Variants in ELAVL2 observed in about 807,000 individuals in gnomAD.
ELAVL2 encodes ELAV like RNA binding protein 2.
A neutral mutation model predicts 34.6 loss-of-function variants in ELAVL2; 4 were observed. That is an observed-to-expected ratio of 0.12 (90% CI 0.06 to 0.26). The LOEUF is 0.26. Among genes scored for constraint, ELAVL2 ranks in the 10% least tolerant of loss-of-function variants. The pLI, the probability that ELAVL2 is intolerant of heterozygous loss-of-function variation, is 1.00. For synonymous variants in ELAVL2, 193 were observed against 154.8 expected, an observed-to-expected ratio of 1.25 and a Z score of -1.83; for missense variants, 432 against 442.8, an observed-to-expected ratio of 0.98 and a Z score of 0.22.
At chr9:23,805,189 T>C (rs983752004) in intron 1 of ELAVL2, among the ~76,000 whole-genome samples, 4 of 152,152 alleles carry the variant, frequency 2.6e-5, no homozygotes, top group Non-Finnish European at 5.9e-5. Flanking sequence ...ACGTTAATCA[T>C]TTGGGGATTT....
intron 1 of ELAVL2, among the ~76,000 whole-genome samples, chr9:23,788,489 T>C (rs906015233): frequency 6.6e-5 from 10 of 152,190 alleles, no homozygotes; most frequent in Non-Finnish European, 1.2e-4. Context: ...ATACCTATGA[T>C]AAAATTTAAT....
At chr9:23,741,152 GT>G (rs1398666893) in intron 2 of ELAVL2, among the ~76,000 whole-genome samples, 6 of 152,128 alleles carry the variant, frequency 3.9e-5, no homozygotes, top group Admixed American at 2.6e-4. Context: ...TGAAATTCAG[GT>G]GTTTCCTGAC....
rs1245760496 is a variant in ELAVL2, at chr9:23,691,914, AC to A, written c.*642del. On this transcript the variant is annotated 3_prime_UTR_variant, in exon 7 of 7. Transcript: ENST00000397312. ...TTATAAAAATAGATGCTTTTTTTAA[AC>A]CCACATCAAAGAGGCTCTTATCTCT... 1 of 152,528 alleles carries A rather than the reference AC, an allele frequency of 6.6e-6. No homozygotes were observed. Among genetic ancestry groups the A allele is most frequent in the Non-Finnish European group, 1.5e-5 (1 of 68,020 alleles). The allele number at this position is 152,528 out of a possible 1,614,324, so 9.4% of individuals were successfully genotyped here.
chr9:23,718,762 G>A (rs989729618), intron 3 of ELAVL2, among the ~76,000 whole-genome samples: 2 of 152,162 alleles, frequency 1.3e-5, no homozygotes, highest in Admixed American at 1.3e-4. Flanking sequence ...ATGACTTTAA[G>A]TCTACCAAGA....
At chr9:23,822,808 G>T (rs2065002958) in intron 1 of ELAVL2, among the ~76,000 whole-genome samples, 2 of 152,238 alleles carry the variant, frequency 1.3e-5, no homozygotes. Context: ...AGCAGTGGGC[G>T]ACCCAGTCGC....
intron 1 of ELAVL2, among the ~76,000 whole-genome samples, chr9:23,805,158 A>G (rs2062050090): frequency 6.6e-6 from 1 of 152,222 alleles, no homozygotes; most frequent in South Asian, 2.1e-4. Flanking sequence ...AGCCATTTCA[A>G]AAATGATAAA....
intron 1 of ELAVL2, among the ~76,000 whole-genome samples, chr9:23,824,310 G>A (rs2065145608): frequency 1.3e-5 from 2 of 152,156 alleles, no homozygotes; most frequent in South Asian, 4.1e-4. Context: ...AACGTGCTGG[G>A]CATAAATTAA....
chr9:23,717,018 A>G (rs191388834), intron 3 of ELAVL2, among the ~76,000 whole-genome samples: 15 of 152,358 alleles, frequency 9.8e-5, no homozygotes, highest in Admixed American at 9.8e-4. Flanking sequence ...TGGAAGGAGA[A>G]TACAGAGACA....
chr9:23,742,066 C>T (rs2049339008), intron 2 of ELAVL2, among the ~76,000 whole-genome samples: 1 of 152,120 alleles, frequency 6.6e-6, no homozygotes, highest in African/African-American at 2.4e-5. Context: ...ACTAGAAGGG[C>T]AAGAAACCTT....
intron 2 of ELAVL2, among the ~76,000 whole-genome samples, chr9:23,754,322 T>A (rs953196291): frequency 6.6e-6 from 1 of 152,188 alleles, no homozygotes; most frequent in Admixed American, 6.5e-5. Context: ...AAAGGCTTCA[T>A]TACCACAGGT....
chr9:23,785,967 G>A (rs2059626285), intron 1 of ELAVL2, among the ~76,000 whole-genome samples: 1 of 152,134 alleles, frequency 6.6e-6, no homozygotes, highest in Non-Finnish European at 1.5e-5. Context: ...GAGGTCACCT[G>A]GCATAGTGAT....
intron 4 of ELAVL2, among the ~76,000 whole-genome samples, chr9:23,703,281 TAGAA>T (rs2038105967): frequency 6.6e-6 from 1 of 152,236 alleles, no homozygotes; most frequent in South Asian, 2.1e-4. Context: ...ATGAATGAAT[TAGAA>T]AGCACAAATG....
chr9:23,708,482 T>A (rs1489850887), intron 3 of ELAVL2, among the ~76,000 whole-genome samples: 6 of 152,170 alleles, frequency 3.9e-5, no homozygotes, highest in African/African-American at 1.4e-4. Context: ...GGTCTCCTCA[T>A]CCAGTTTTCC....
intron 1 of ELAVL2, among the ~76,000 whole-genome samples, chr9:23,762,472 A>G (rs1293801344): frequency 6.6e-6 from 1 of 152,140 alleles, no homozygotes; most frequent in East Asian, 1.9e-4. Context: ...ATACATGCAT[A>G]TAAGCACAAT....
chr9:23,763,055 T>G (rs1324925021), intron 1 of ELAVL2, among the ~76,000 whole-genome samples: 1 of 152,106 alleles, frequency 6.6e-6, no homozygotes, highest in Non-Finnish European at 1.5e-5. Context: ...TCTCCTTGAC[T>G]CTGCTTTTTA....
intron 1 of ELAVL2, among the ~76,000 whole-genome samples, chr9:23,778,302 A>C (rs567304598): frequency 2.6e-5 from 4 of 152,310 alleles, no homozygotes; most frequent in Middle Eastern, 3.4e-3. Flanking sequence ...CAAAGTTCGG[A>C]CTGGCAGCTA....
At chr9:23,755,447 A>C (rs1162109380) in intron 2 of ELAVL2, among the ~76,000 whole-genome samples, 2 of 152,178 alleles carry the variant, frequency 1.3e-5, no homozygotes, top group Admixed American at 6.6e-5. Flanking sequence ...TGATAACACC[A>C]AATTTTTTAA....
intron 1 of ELAVL2, among the ~76,000 whole-genome samples, chr9:23,789,407 C>T (rs9632886): frequency 0.2 from 31,093 of 152,098 alleles, 4,816 homozygotes; most frequent in African/African-American, 0.41. Flanking sequence ...TACAAAATTA[C>T]GTATTAAAAT....
At chr9:23,767,175 T>C (rs188256036) in intron 1 of ELAVL2, among the ~76,000 whole-genome samples, 5 of 152,330 alleles carry the variant, frequency 3.3e-5, no homozygotes, top group Admixed American at 2.6e-4. Context: ...TCTCTACTTT[T>C]ATACACACAG....
Sources: gnomAD v4.1 joint callset for allele counts (sites outside exome capture counted in the v4.1 genomes callset) on GRCh38, gnomAD v4.1.1 for gene constraint, MANE v1.5 for transcripts, NCBI Gene and HGNC (gene_info 2026-07-23, HGNC 2026-07-21) for gene names.